The following STARD13 variants were observed in gnomAD, a reference collection of about 807,000 sequenced individuals.
STARD13 encodes the protein StAR related lipid transfer domain containing 13.
Under a neutral mutation model 106.4 loss-of-function variants are expected in STARD13, and 62 were observed. The ratio of observed to expected loss-of-function variants is 0.58; its 90% CI spans 0.48 to 0.72. The LOEUF is 0.72. Ranked by LOEUF, STARD13 falls within the 30% of genes least tolerant of loss-of-function variation. The pLI is 0.00. For missense variants in STARD13, 1,387 were observed against 1,424.0 expected (o/e 0.97, Z 0.42); for synonymous variants, 565 against 553.0 (o/e 1.02, Z -0.31).
the STARD13 span, among the ~76,000 whole-genome samples, chr13:33,602,682 A>G: frequency 7.9e-5 from 12 of 152,356 alleles, no homozygotes; most frequent in East Asian, 1.9e-3. Context: ...TAGGCGGCAC[A>G]GCAGGAGGTG....
At chr13:33,592,666 A>C in the STARD13 span, among the ~76,000 whole-genome samples, 2 of 152,224 alleles carry the variant, frequency 1.3e-5, no homozygotes, top group Non-Finnish European at 2.9e-5. Context: ...GAGCTTAGAT[A>C]CTTGCTTAAG....
At chr13:33,609,865 G>T in the STARD13 span, among the ~76,000 whole-genome samples, 1 of 152,124 alleles carries the variant, frequency 6.6e-6, no homozygotes, top group South Asian at 2.1e-4. Context: ...ACTGCGCCCG[G>T]CCTCTACTTC....
intron 2 of STARD13, among the ~76,000 whole-genome samples, chr13:33,167,274 G>A (rs1883430463): frequency 6.6e-6 from 1 of 152,168 alleles, no homozygotes; most frequent in South Asian, 2.1e-4. Flanking sequence ...AGCTGCTGAT[G>A]GCAGAATGCT....
At chr13:33,381,167 A>G in the STARD13 span, among the ~76,000 whole-genome samples, 1 of 152,336 alleles carries the variant, frequency 6.6e-6, no homozygotes, top group Non-Finnish European at 1.5e-5. Flanking sequence ...ATATTACCTT[A>G]TCAGAATTTT....
chr13:33,435,850 C>A, the STARD13 span, among the ~76,000 whole-genome samples: 2 of 151,988 alleles, frequency 1.3e-5, no homozygotes, highest in African/African-American at 2.4e-5. Context: ...TAAAGGGTAC[C>A]AAAAATCTCT....
chr13:33,555,336 T>C, the STARD13 span, among the ~76,000 whole-genome samples: 1 of 152,212 alleles, frequency 6.6e-6, no homozygotes, highest in Non-Finnish European at 1.5e-5. Flanking sequence ...GGGAGAGGGC[T>C]TGTTTATTTT....
chr13:33,583,454 A>G, the STARD13 span, among the ~76,000 whole-genome samples: 1 of 152,206 alleles, frequency 6.6e-6, no homozygotes, highest in East Asian at 1.9e-4. Flanking sequence ...GCATCTTCCC[A>G]GTCTTTGCAA....
intron 1 of STARD13, among the ~76,000 whole-genome samples, chr13:33,273,164 T>G (rs1891245208): frequency 6.6e-6 from 1 of 152,192 alleles, no homozygotes; most frequent in Non-Finnish European, 1.5e-5. Flanking sequence ...CATTTTTCAG[T>G]TCTCTGAAAG....
chr13:33,545,305 C>G, the STARD13 span, among the ~76,000 whole-genome samples: 1 of 151,830 alleles, frequency 6.6e-6, no homozygotes, highest in East Asian at 1.9e-4. Context: ...CCGTGTTAGC[C>G]AGGATGATCT....
intron 1 of STARD13, among the ~76,000 whole-genome samples, chr13:33,307,328 C>T (rs954980595): frequency 2.0e-5 from 3 of 152,054 alleles, no homozygotes; most frequent in South Asian, 2.1e-4. Context: ...CAAAGGAATA[C>T]GAATCATTCT....
At chr13:33,549,492 G>C in the STARD13 span, among the ~76,000 whole-genome samples, 1 of 152,126 alleles carries the variant, frequency 6.6e-6, no homozygotes, top group Non-Finnish European at 1.5e-5. Flanking sequence ...AAAAATCCAT[G>C]TTTTAACCCA....
intron 1 of STARD13, among the ~76,000 whole-genome samples, chr13:33,199,578 C>T (rs1349876785): frequency 6.6e-6 from 1 of 152,222 alleles, no homozygotes; most frequent in Non-Finnish European, 1.5e-5. Flanking sequence ...ATAACTTCTG[C>T]TCTGCTAGAA....
chr13:33,310,047 A>C (rs564176099), intron 1 of STARD13, among the ~76,000 whole-genome samples: 56 of 152,326 alleles, frequency 3.7e-4, no homozygotes, highest in African/African-American at 1.3e-3. Context: ...GAGAATAATG[A>C]CTTGCAAAGG....
intron 1 of STARD13, among the ~76,000 whole-genome samples, chr13:33,183,149 T>G (rs1885410157): frequency 6.6e-6 from 1 of 152,230 alleles, no homozygotes; most frequent in Non-Finnish European, 1.5e-5. Flanking sequence ...TTCATTATGG[T>G]CCTTAGATTA....
chr13:33,519,237 T>C, the STARD13 span, among the ~76,000 whole-genome samples: 2 of 150,744 alleles, frequency 1.3e-5, no homozygotes, highest in East Asian at 3.9e-4. Flanking sequence ...TCTTTCTTTC[T>C]TTCTTTCTTT....
At chr13:33,166,078 A>G (rs545192226) in intron 2 of STARD13, among the ~76,000 whole-genome samples, 6 of 152,302 alleles carry the variant, frequency 3.9e-5, no homozygotes, top group African/African-American at 1.4e-4. Flanking sequence ...GACATAGCCA[A>G]ATGTAACCAT....
At chr13:33,393,397 C>T in the STARD13 span, among the ~76,000 whole-genome samples, 37 of 152,256 alleles carry the variant, frequency 2.4e-4, no homozygotes, top group African/African-American at 8.9e-4. Flanking sequence ...GCAATGTCAG[C>T]ATGGTGTAGT....
At chr13:33,439,603 T>C in the STARD13 span, 17 of 585,672 alleles carry the variant, frequency 2.9e-5, no homozygotes, top group Admixed American at 1.1e-4. Flanking sequence ...GCAACACTTA[T>C]GGCATGTTTA....
At chr13:33,448,214 C>A in the STARD13 span, among the ~76,000 whole-genome samples, 1 of 152,214 alleles carries the variant, frequency 6.6e-6, no homozygotes, top group East Asian at 1.9e-4. Flanking sequence ...ACCCTCTCTT[C>A]TAGCTTTTTT....
Sources: allele counts gnomAD v4.1 joint callset (sites outside exome capture counted in the v4.1 genomes callset), GRCh38; gene constraint gnomAD v4.1.1; transcripts MANE v1.5; gene names NCBI Gene and HGNC (gene_info 2026-07-23, HGNC 2026-07-21).